BRWD1: variants seen among roughly 807,000 people sequenced by gnomAD.
BRWD1 encodes the protein bromodomain and WD repeat domain containing 1.
In BRWD1, 82 loss-of-function variants were observed where a neutral mutation model predicts 251.2. The ratio of observed to expected loss-of-function variants is 0.33; its 90% confidence interval spans 0.27 to 0.39. The LOEUF (loss-of-function observed/expected upper bound fraction) is 0.39, where lower values mean the gene tolerates loss of function less well. BRWD1 is among the 10% of genes least tolerant of loss of function. BRWD1 has a pLI of 1.00. For missense variants in BRWD1, 2,233 were observed against 2,711.6 expected, an observed-to-expected ratio of 0.82 and a Z score of 3.92; for synonymous variants, 918 against 902.8, an observed-to-expected ratio of 1.02 and a Z score of -0.30.
At chr21:39,309,038 G>A (rs1032298198) in intron 4 of BRWD1, among the ~76,000 whole-genome samples, 1 of 152,100 alleles carries the variant, frequency 6.6e-6, no homozygotes, top group African/African-American at 2.4e-5. Context: ...GCTGGGCATA[G>A]TGGTGTGCGC....
chr21:39,239,476 G>A (rs570294104), intron 21 of BRWD1, among the ~76,000 whole-genome samples: 36 of 152,130 alleles, frequency 2.4e-4, no homozygotes, highest in Admixed American at 2.0e-4. Context: ...GCCAAAGATC[G>A]TTTGAATATA....
At chr21:39,299,039 C>A (rs934923140) in intron 4 of BRWD1, among the ~76,000 whole-genome samples, 1 of 152,022 alleles carries the variant, frequency 6.6e-6, no homozygotes, top group Non-Finnish European at 1.5e-5. Context: ...GCCTGACCAA[C>A]ATGGTGAAAC....
At chr21:39,220,475 C>T (rs866893023) in intron 29 of BRWD1, among the ~76,000 whole-genome samples, 1 of 152,102 alleles carries the variant, frequency 6.6e-6, no homozygotes, top group African/African-American at 2.4e-5. Flanking sequence ...AAATTGTTTC[C>T]GACTAGCTTA....
intron 38 of BRWD1, among the ~76,000 whole-genome samples, chr21:39,201,257 T>C (rs1289565046): frequency 6.6e-6 from 1 of 152,216 alleles, no homozygotes. Context: ...TCCTTTGAAC[T>C]TGTTCTACTG....
chr21:39,307,418 T>C (rs925749536), intron 4 of BRWD1, among the ~76,000 whole-genome samples: 1 of 152,276 alleles, frequency 6.6e-6, no homozygotes, highest in South Asian at 2.1e-4. Flanking sequence ...TATGTACTTG[T>C]ATGAATATCA....
chr21:39,262,023 T>C (rs1304826707), intron 17 of BRWD1, among the ~76,000 whole-genome samples: 1 of 152,200 alleles, frequency 6.6e-6, no homozygotes, highest in African/African-American at 2.4e-5. Flanking sequence ...GAATTGGCTA[T>C]ATTAATATGA....
chr21:39,223,071 G>A (rs749246121), intron 29 of BRWD1, among the ~76,000 whole-genome samples: 51 of 152,110 alleles, frequency 3.4e-4, no homozygotes, highest in African/African-American at 2.4e-5. Context: ...AAAACGGAGG[G>A]ATCCTGGATT....
At position 39,289,077 on chromosome 21, in the gene BRWD1, C is replaced by T. The variant is rs2035728496; in HGVS notation, c.831+4734G>A. On this transcript the variant is annotated intron_variant, in intron 8 of 40. Coordinates refer to ENST00000342449, the MANE Select transcript of BRWD1 (RefSeq NM_033656.4). ...ATTTCAGTTGAGACTTGCTTTAGAC[C>T]ATTTAATGTACTTGCAAGTAATATA... Among the ~76,000 whole-genome samples the T allele has an allele frequency of 3.3e-5, 5 of 152,280 alleles. No homozygotes were observed. The South Asian group carries it at 1.0e-3, about 32-fold the overall frequency.
intron 8 of BRWD1, among the ~76,000 whole-genome samples, chr21:39,283,635 C>T (rs2035541601): frequency 6.6e-6 from 1 of 152,212 alleles, no homozygotes; most frequent in South Asian, 2.1e-4. Context: ...ACAGAATTCA[C>T]TAATGAAGCC....
At chr21:39,199,826 C>T (rs2032018205) in intron 39 of BRWD1, among the ~76,000 whole-genome samples, 164 bp from the exon 40 acceptor site, 1 of 152,210 alleles carries the variant, frequency 6.6e-6, no homozygotes, top group Admixed American at 6.5e-5. Context: ...TTTTGGCTCA[C>T]TGCAACCTCT....
chr21:39,269,248 A>C (rs2035026458), intron 15 of BRWD1, among the ~76,000 whole-genome samples: 1 of 148,608 alleles, frequency 6.7e-6, no homozygotes, highest in African/African-American at 2.5e-5. Context: ...TGCAAAAAAA[A>C]AAATTTTTTT....
At position 39,244,921 on chromosome 21, in the gene BRWD1, AATATATATATATATAT is replaced by A. The variant is rs56801824; in HGVS notation, c.2481+2764_2481+2779del. Among the ~76,000 whole-genome samples the A allele has an allele frequency of 1.1e-3, 128 of 112,560 alleles. 3 individuals are homozygous for A. The highest frequency in any genetic ancestry group is 3.6e-3 in the African/African-American group (122 of 33,520). The allele number at this position is 112,560 out of a possible 152,430, so 73.8% of individuals were successfully genotyped here. Reference sequence around the variant, plus strand: ...AGTTACATATAGAAACTTTGGAAGAAATATATATATATATATATATATATGCAGAAAAAGAAAAGAG... The same window carrying A: ...AGTTACATATAGAAACTTTGGAAGAAATATATATGCAGAAAAAGAAAAGAG... On this transcript the variant is annotated intron_variant, in intron 21 of 40. Coordinates refer to ENST00000342449, the MANE Select transcript of BRWD1 (RefSeq NM_033656.4).
At chr21:39,297,818 C>T (rs2146760566) in intron 5 of BRWD1, 2 of 916,176 alleles carry the variant, frequency 2.2e-6, no homozygotes, top group Non-Finnish European at 2.6e-6. Flanking sequence ...TGCCCATTAG[C>T]AGTTTAGCCA....
chr21:39,217,292 CA>C (rs2032994862), intron 31 of BRWD1: 1 of 153,346 alleles, frequency 6.5e-6, no homozygotes, highest in African/African-American at 2.4e-5. Context: ...GAAGGGGTTT[CA>C]CCATGTTGGC....
rs776606298 is a variant in BRWD1 at position 39,197,337 on chromosome 21, A to G, written c.5732T>C (p.Leu1911Ser). The G allele has an allele frequency of 1.9e-6, 3 of 1,614,020 alleles. No individual in the cohort carries two copies. Among genetic ancestry groups the G allele is most frequent in the Non-Finnish European group, 2.5e-6 (3 of 1,179,918 alleles). The part of the protein sequence containing the change: ...RVCSSDSDSS[L>S]QVVKKSSKAR... Reference sequence around the variant, plus strand: ...TTTTGATGATTTCTTAACCACCTGTAAACTACTGTCTGAGTCACTGGAACA... The same window carrying G: ...TTTTGATGATTTCTTAACCACCTGTGAACTACTGTCTGAGTCACTGGAACA... The change falls in exon 41 of 41, where the codon TTA (leucine) becomes TCA (serine). Residue 1911 changes from leucine (L) to serine (S), a missense_variant. Coordinates refer to ENST00000342449, the MANE Select transcript of BRWD1 (RefSeq NM_033656.4).
At chr21:39,288,618 AAACTT>A (rs1380489773) in intron 8 of BRWD1, among the ~76,000 whole-genome samples, 1 of 152,250 alleles carries the variant, frequency 6.6e-6, no homozygotes, top group African/African-American at 2.4e-5. Flanking sequence ...GACTCCCAAA[AAACTT>A]AACTATTGAT....
At chr21:39,202,882 A>C (rs1386407612) in intron 37 of BRWD1, among the ~76,000 whole-genome samples, 1 of 152,220 alleles carries the variant, frequency 6.6e-6, no homozygotes, top group Non-Finnish European at 1.5e-5. Flanking sequence ...TCATACTACC[A>C]ATGTAAGCCT....
chr21:39,216,652 C>A, intron 31 of BRWD1: 1 of 370,762 alleles, frequency 2.7e-6, no homozygotes. Flanking sequence ...AGAATCTACT[C>A]AGAACAGTTT....
intron 18 of BRWD1, 94 bp downstream of exon 18, chr21:39,258,393 G>T: frequency 9.2e-7 from 1 of 1,087,258 alleles, no homozygotes; most frequent in Non-Finnish European, 1.3e-6. Flanking sequence ...GTTTACTTAA[G>T]TTTCTCACAT....
Sources: allele counts gnomAD v4.1 joint callset (sites outside exome capture counted in the v4.1 genomes callset), GRCh38; gene constraint gnomAD v4.1.1; transcripts MANE v1.5; gene names NCBI Gene and HGNC (gene_info 2026-07-23, HGNC 2026-07-21).